Variants in SOX5 observed in about 807,000 individuals in gnomAD.
SOX5 encodes transcription factor SOX-5.
Under a neutral mutation model 92.0 loss-of-function variants are expected in SOX5, and 9 were observed. The ratio of observed to expected loss-of-function variants is 0.10; its 90% CI spans 0.06 to 0.17. The LOEUF is 0.17. SOX5 is among the 10% of genes least tolerant of loss of function. SOX5 has a pLI of 1.00. For synonymous variants in SOX5, 344 were observed against 336.3 expected (o/e 1.02, Z -0.25); for missense variants, 642 against 944.5 (o/e 0.68, Z 4.20).
upstream of SOX5, among the ~76,000 whole-genome samples, chr12:23,950,524 T>A (rs1199474327): frequency 6.6e-6 from 1 of 152,202 alleles, no homozygotes; most frequent in Non-Finnish European, 1.5e-5. Context: ...GGTATCCACA[T>A]GCCAAAATAA....
At chr12:23,649,933 T>C (rs1456808453) in intron 7 of SOX5, among the ~76,000 whole-genome samples, 1 of 152,174 alleles carries the variant, frequency 6.6e-6, no homozygotes, top group Non-Finnish European at 1.5e-5. Flanking sequence ...ACTGAACTAA[T>C]GCAAAAGTTT....
chr12:23,931,527 G>A (rs542257796), intron 1 of SOX5, among the ~76,000 whole-genome samples: 326 of 151,814 alleles, frequency 2.1e-3, no homozygotes, highest in Non-Finnish European at 3.8e-3. Context: ...TTAGAACACA[G>A]AAGTAGGAAA....
chr12:23,667,755 A>G (rs1395477138), intron 6 of SOX5, among the ~76,000 whole-genome samples: 1 of 152,206 alleles, frequency 6.6e-6, no homozygotes, highest in Non-Finnish European at 1.5e-5. Context: ...CTAATTTCAC[A>G]GTCCCAGTGA....
At chr12:23,839,573 A>T (rs963583063) in intron 3 of SOX5, among the ~76,000 whole-genome samples, 12 of 152,294 alleles carry the variant, frequency 7.9e-5, no homozygotes, top group Admixed American at 5.2e-4. Flanking sequence ...ATAAACATAG[A>T]TGTAAAAATC....
intron 3 of SOX5, among the ~76,000 whole-genome samples, chr12:23,792,244 G>C (rs1293838030): frequency 2.0e-5 from 3 of 151,914 alleles, no homozygotes; most frequent in African/African-American, 4.8e-5. Context: ...ATATAGAATA[G>C]AGATACGAAA....
intron 4 of SOX5, among the ~76,000 whole-genome samples, chr12:24,176,965 G>A (rs1954876786): frequency 1.0e-5 from 1 of 96,812 alleles, no homozygotes; most frequent in South Asian, 4.4e-4. Flanking sequence ...GAGCAGTCAA[G>A]TTTTGTTTTT....
In SOX5 at chr12:23,534,175, G is replaced by C; in HGVS notation, c.*44C>G. On this transcript the variant is annotated 3_prime_UTR_variant, in exon 15 of 15. Coordinates refer to ENST00000451604, the MANE Select transcript of SOX5 (RefSeq NM_006940.6). Reference sequence around the variant, plus strand: ...GCCACTGGTAAGGATGAACCAGTTAGGGCTTCTTTAAGTCCTAAGGTCACA... The same window carrying C: ...GCCACTGGTAAGGATGAACCAGTTACGGCTTCTTTAAGTCCTAAGGTCACA... 1 of 1,548,162 alleles carries C rather than the reference G, an allele frequency of 6.5e-7. No individual in the cohort carries two copies. Among genetic ancestry groups the C allele is most frequent in the South Asian group, 1.2e-5 (1 of 85,220 alleles).
chr12:24,307,588 C>T (rs1173850739), intron 2 of SOX5, among the ~76,000 whole-genome samples: 1 of 59,560 alleles, frequency 1.7e-5, no homozygotes, highest in Non-Finnish European at 3.9e-5. Flanking sequence ...CCTCTCAAGT[C>T]GCCCATTTGG....
chr12:23,792,621 TCAAAAAAAAAAAAAAAA>T, intron 3 of SOX5, among the ~76,000 whole-genome samples: 1 of 33,512 alleles, frequency 3.0e-5, no homozygotes, highest in Non-Finnish European at 4.4e-5. Context: ...AGGCTCTGTC[TCAAAAAAAAAAAAAAAA>T]AAAAAAAAAA....
intron 2 of SOX5, among the ~76,000 whole-genome samples, chr12:24,350,579 AG>A (rs1233408611): frequency 6.6e-6 from 1 of 152,156 alleles, no homozygotes; most frequent in Non-Finnish European, 1.5e-5. Flanking sequence ...CCTGGGCTCA[AG>A]CGAGCCTCCT....
rs147556586 is a variant in SOX5 at position 24,477,549 on chromosome 12, A to G, written c.-251+84780T>C. On this transcript the variant is annotated intron_variant, in intron 1 of 4. Transcript: ENST00000446891. ...TGGCCACTGTTAGCCGTTTTCAGAA[A>G]CATTAAATGACCTAGGTATGAGAGA... Among the ~76,000 whole-genome samples, 840 of 152,308 alleles carry G rather than the reference A, an allele frequency of 5.5e-3. 6 individuals carry two copies. The highest frequency in any genetic ancestry group is 0.037 in the Middle Eastern group (11 of 294).
intron 8 of SOX5, among the ~76,000 whole-genome samples, chr12:23,610,070 T>C (rs2075770028): frequency 1.3e-5 from 2 of 152,144 alleles, no homozygotes; most frequent in African/African-American, 4.8e-5. Context: ...AAAAAAATAG[T>C]ATAATTGTAT....
chr12:23,889,091 A>G (rs1039367105), intron 2 of SOX5, among the ~76,000 whole-genome samples: 1 of 152,242 alleles, frequency 6.6e-6, no homozygotes, highest in Non-Finnish European at 1.5e-5. Context: ...TAAACTGAGC[A>G]CATTCCACAT....
At chr12:24,385,611 T>C (rs150803612) in intron 1 of SOX5, among the ~76,000 whole-genome samples, 1 of 152,100 alleles carries the variant, frequency 6.6e-6, no homozygotes, top group East Asian at 1.9e-4. Context: ...GTTCTGAGGG[T>C]ATGTTGGGAC....
intron 1 of SOX5, among the ~76,000 whole-genome samples, chr12:24,437,151 G>A (rs1297619386): frequency 1.3e-5 from 2 of 151,352 alleles, no homozygotes; most frequent in East Asian, 2.0e-4. Context: ...TCTGCAACCT[G>A]CAGATCAAGC....
At chr12:23,824,613 T>C (rs1057381857) in intron 3 of SOX5, among the ~76,000 whole-genome samples, 6 of 152,190 alleles carry the variant, frequency 3.9e-5, no homozygotes, top group Admixed American at 3.3e-4. Context: ...TAGGAGGCAG[T>C]CTGCCGGGAG....
At chr12:24,428,086 T>C (rs1252849480) in intron 1 of SOX5, among the ~76,000 whole-genome samples, 4 of 152,040 alleles carry the variant, frequency 2.6e-5, no homozygotes, top group Non-Finnish European at 5.9e-5. Context: ...TCAGCTTTTT[T>C]AAGGTGAAAA....
chr12:24,430,753 A>C (rs914371535), intron 1 of SOX5, among the ~76,000 whole-genome samples: 4 of 152,176 alleles, frequency 2.6e-5, no homozygotes, highest in African/African-American at 9.7e-5. Context: ...CCATTCACTA[A>C]ATAAAAGTTT....
At chr12:24,370,638 G>A (rs1046705440) in intron 1 of SOX5, among the ~76,000 whole-genome samples, 5 of 151,636 alleles carry the variant, frequency 3.3e-5, no homozygotes, top group Non-Finnish European at 5.9e-5. Flanking sequence ...CTAAAAATAC[G>A]AAAATTAGCC....
Sources: allele counts gnomAD v4.1 joint callset (sites outside exome capture counted in the v4.1 genomes callset), GRCh38; gene constraint gnomAD v4.1.1; transcripts MANE v1.5; gene names NCBI Gene and HGNC (gene_info 2026-07-23, HGNC 2026-07-21).